Variants in SUDS3 observed in about 807,000 individuals in gnomAD.
SUDS3 encodes the protein SIN3A corepressor complex component SDS3.
A neutral mutation model predicts 53.5 loss-of-function variants in SUDS3; 23 were observed. That is an observed-to-expected ratio of 0.43 (90% CI 0.31 to 0.61). The LOEUF (loss-of-function observed/expected upper bound fraction) is 0.61. Among genes scored for constraint, SUDS3 ranks in the 20% least tolerant of loss-of-function variants. SUDS3 has a pLI of 0.10. For missense variants in SUDS3, 291 were observed against 405.9 expected, an observed-to-expected ratio of 0.72 and a Z score of 2.43; for synonymous variants, 150 against 148.5, an observed-to-expected ratio of 1.01 and a Z score of -0.08.
rs2046387772 is a variant in SUDS3 at position 118,414,965 on chromosome 12, CT to C, written c.*534del. On this transcript the variant is annotated 3_prime_UTR_variant, in exon 12 of 12. Coordinates refer to ENST00000543473, the MANE Select transcript of SUDS3 (RefSeq NM_022491.3). ...ATGATGAATTCTCGTGGCTCTCGGC[CT>C]TCTCAGAGAAATAAATGCTTTGTGT... The C allele has an allele frequency of 6.6e-6, 1 of 152,270 alleles. No homozygotes were observed. 9.4% of individuals were successfully genotyped at this position (152,270 alleles called of 1,614,324 possible).
At chr12:118,396,726 G>C (rs1363672326) in intron 6 of SUDS3, among the ~76,000 whole-genome samples, 1 of 152,226 alleles carries the variant, frequency 6.6e-6, no homozygotes, top group Non-Finnish European at 1.5e-5. Flanking sequence ...GCCTAGAGAA[G>C]TGCACAGCAA....
At chr12:118,408,585 C>T (rs1229507441) in intron 10 of SUDS3, among the ~76,000 whole-genome samples, 3 of 152,002 alleles carry the variant, frequency 2.0e-5, no homozygotes, top group Non-Finnish European at 4.4e-5. Context: ...CCACCCACCT[C>T]GGCCTCCCGC....
At position 118,401,980 on chromosome 12, in the gene SUDS3, C is replaced by A; in HGVS notation, c.676-3C>A. 1 of 1,613,948 alleles carries A rather than the reference C, an allele frequency of 6.2e-7. No individual in the cohort carries two copies. Among genetic ancestry groups the A allele is most frequent in the Non-Finnish European group, 8.5e-7 (1 of 1,179,876 alleles). ...AGATTTTTTGTTGTTGTTCTTCCTA[C>A]AGCTTAAGTCACCCAAGAGACCAGG... On this transcript the variant is annotated splice_region_variant and splice_polypyrimidine_tract_variant and intron_variant, in intron 8 of 11. Coordinates refer to ENST00000543473, the MANE Select transcript of SUDS3 (RefSeq NM_022491.3).
chr12:118,385,234 G>A (rs979167871), intron 3 of SUDS3, among the ~76,000 whole-genome samples: 6 of 151,886 alleles, frequency 4.0e-5, no homozygotes, highest in African/African-American at 1.2e-4. Flanking sequence ...TCAGCCTCCC[G>A]AGTAGCTGGG....
intron 6 of SUDS3, among the ~76,000 whole-genome samples, chr12:118,398,990 C>T (rs2046240658): frequency 6.6e-6 from 1 of 152,110 alleles, no homozygotes; most frequent in African/African-American, 2.4e-5. Context: ...ATTAAACTGA[C>T]TTTCAACGGG....
chr12:118,409,593 A>G (rs1048137314), intron 10 of SUDS3, among the ~76,000 whole-genome samples: 4 of 152,230 alleles, frequency 2.6e-5, no homozygotes, highest in South Asian at 4.1e-4. Context: ...TTTACTTGCC[A>G]TGTCTTGGCA....
intron 6 of SUDS3, among the ~76,000 whole-genome samples, chr12:118,396,365 C>T (rs531555746): frequency 9.9e-5 from 15 of 152,180 alleles, no homozygotes; most frequent in Non-Finnish European, 1.9e-4. Flanking sequence ...AAATGATCCA[C>T]CTCAGCCTCC....
intron 6 of SUDS3, among the ~76,000 whole-genome samples, chr12:118,396,680 C>T (rs2046218381): frequency 6.6e-6 from 1 of 152,220 alleles, no homozygotes; most frequent in East Asian, 1.9e-4. Flanking sequence ...CCGTTGTACA[C>T]TATAGGCAGG....
intron 1 of SUDS3, among the ~76,000 whole-genome samples, chr12:118,377,247 A>G (rs938678146): frequency 2.0e-5 from 3 of 151,980 alleles, no homozygotes; most frequent in African/African-American, 7.3e-5. Flanking sequence ...TAAGTCATCT[A>G]TACTTTAGGT....
In SUDS3 at chr12:118,416,348, C is replaced by T. The variant is rs146247118; in HGVS notation, c.*1915C>T. Reference sequence around the variant, plus strand: ...ATTGTATTGATAACCACTGGGGTTCCGCATTGAAGCAGGAACAAATTGCCT... The same window carrying T: ...ATTGTATTGATAACCACTGGGGTTCTGCATTGAAGCAGGAACAAATTGCCT... On this transcript the variant is annotated 3_prime_UTR_variant, in exon 12 of 12. Transcript: ENST00000543473. 4.6e-5 allele frequency: 7 copies of T among 152,034 alleles called. No homozygotes were observed. The highest frequency in any genetic ancestry group is 7.2e-5 in the African/African-American group (3 of 41,440). 9.4% of individuals were successfully genotyped at this position (152,034 alleles called of 1,614,324 possible).
At chr12:118,386,493 A>G (rs2046115777) in intron 4 of SUDS3, among the ~76,000 whole-genome samples, 1 of 152,084 alleles carries the variant, frequency 6.6e-6, no homozygotes. Flanking sequence ...GGCCTGATGT[A>G]CAGTCAGAAG....
In SUDS3 at chr12:118,411,352, A is replaced by G. The variant is rs143252447; in HGVS notation, c.888+195A>G. On this transcript the variant is annotated intron_variant, in intron 11 of 11. Coordinates refer to ENST00000543473, the MANE Select transcript of SUDS3 (RefSeq NM_022491.3). ...GAAAAGTCCTTACATTCGCTTGACT[A>G]CAACATATGCGGATTTGTCTATTCC... Among the ~76,000 whole-genome samples, 434 of 152,322 alleles carry G rather than the reference A, an allele frequency of 2.8e-3. 4 individuals carry two copies. Among genetic ancestry groups the G allele is most frequent in the African/African-American group, 9.9e-3 (410 of 41,560 alleles).
chr12:118,393,007 T>C, intron 6 of SUDS3, among the ~76,000 whole-genome samples: 1 of 152,160 alleles, frequency 6.6e-6, no homozygotes, highest in African/African-American at 2.4e-5. Flanking sequence ...ATAAAATAGA[T>C]TACAGAAGTG....
intron 9 of SUDS3, chr12:118,402,238 A>G (rs2046269872): frequency 1.8e-6 from 1 of 558,188 alleles, no homozygotes; most frequent in East Asian, 2.9e-5. Flanking sequence ...TTATCATAAA[A>G]GAGACATTTG....
chr12:118,409,228 A>C (rs2046336256), intron 10 of SUDS3, among the ~76,000 whole-genome samples: 1 of 151,208 alleles, frequency 6.6e-6, no homozygotes, highest in Non-Finnish European at 1.5e-5. Flanking sequence ...GCTTGCTGCA[A>C]GCTCCGCCTC....
At chr12:118,385,693 A>G (rs188782241) in intron 3 of SUDS3, among the ~76,000 whole-genome samples, 5 of 152,218 alleles carry the variant, frequency 3.3e-5, no homozygotes, top group Admixed American at 3.3e-4. Flanking sequence ...AATAGCCACA[A>G]ATGGTTAGTG....
intron 6 of SUDS3, among the ~76,000 whole-genome samples, chr12:118,400,118 C>A (rs1235611786): frequency 1.3e-5 from 2 of 151,600 alleles, no homozygotes; most frequent in African/African-American, 4.9e-5. Flanking sequence ...CTCATTGTGT[C>A]ATCTTGATAG....
intron 9 of SUDS3, chr12:118,402,278 C>T: frequency 2.0e-6 from 1 of 503,528 alleles, no homozygotes; most frequent in Non-Finnish European, 3.5e-6. Flanking sequence ...TCTGTGTAGG[C>T]ATCAGGCATA....
At position 118,376,586 on chromosome 12, in the gene SUDS3, G is replaced by C. The variant is rs1306678485; in HGVS notation, c.-106G>C. On this transcript the variant is annotated 5_prime_UTR_variant, in exon 1 of 12. Transcript: ENST00000543473. Reference sequence around the variant, plus strand: ...GGGGAAGGGGTCGCCGTGGCTGCCGGTCCTCGAGTTGGGGGCTGCCGCGGA... The same window carrying C: ...GGGGAAGGGGTCGCCGTGGCTGCCGCTCCTCGAGTTGGGGGCTGCCGCGGA... 2.4e-6 allele frequency: 3 copies of C among 1,240,880 alleles called. No individual in the cohort carries two copies. The highest frequency in any genetic ancestry group is 3.1e-5 in the South Asian group (1 of 32,762). The allele number at this position is 1,240,880 out of a possible 1,614,324, so 76.9% of individuals were successfully genotyped here. A position where few individuals can be genotyped will look rare whatever the true frequency, so the allele number is the denominator to read the frequency against.
Sources: allele counts gnomAD v4.1 joint callset (sites outside exome capture counted in the v4.1 genomes callset), GRCh38; gene constraint gnomAD v4.1.1; transcripts MANE v1.5; gene names NCBI Gene and HGNC (gene_info 2026-07-23, HGNC 2026-07-21).